The following LONRF2 variants were observed in gnomAD, a reference collection of about 807,000 sequenced individuals.
LONRF2 encodes LON peptidase N-terminal domain and RING finger protein 2.
In LONRF2, 35 loss-of-function variants were observed where a neutral mutation model predicts 66.6. That is an observed-to-expected ratio of 0.53 (90% confidence interval 0.40 to 0.70). LONRF2 has a LOEUF of 0.70. Ranked by LOEUF, LONRF2 falls within the 30% of genes least tolerant of loss-of-function variation. The pLI is 0.00. For missense variants in LONRF2, 902 were observed against 1,002.1 expected (o/e 0.90, Z 1.35); for synonymous variants, 417 against 418.1 (o/e 1.00, Z 0.03).
Position 100,290,533 on chromosome 2 carries a change from C to T in LONRF2, c.1758-113G>A, listed in dbSNP as rs562204820. On this transcript the variant is annotated intron_variant, in intron 9 of 11. Coordinates refer to ENST00000393437, the MANE Select transcript of LONRF2 (RefSeq NM_198461.4). ...AATACAAAGCCACACAAAACAGTGT[C>T]TCCACATCAGACCAGCAAGGTTATT... The T allele has an allele frequency of 9.4e-6, 10 of 1,062,052 alleles. No individual in the cohort carries two copies. The African/African-American group carries it at 1.4e-4, about 15-fold the overall frequency. 65.8% of individuals were successfully genotyped at this position (1,062,052 alleles called of 1,614,324 possible). A position where few individuals can be genotyped will look rare whatever the true frequency, so the allele number is the denominator to read the frequency against.
Position 100,279,801 on chromosome 2 carries a change from A to C in LONRF2, c.*4497T>G, listed in dbSNP as rs1358568814. 6.6e-6 allele frequency: 1 copy of C among 152,156 alleles called. No individual in the cohort carries two copies. Among genetic ancestry groups the C allele is most frequent in the African/African-American group, 2.4e-5 (1 of 41,422 alleles). The allele number at this position is 152,156 out of a possible 1,614,324, so 9.4% of individuals were successfully genotyped here. A position where few individuals can be genotyped will look rare whatever the true frequency, so the allele number is the denominator to read the frequency against. ...GACCACCTGTATAGCCTAGAGTCTGAGCTGTTATTCAGACCAGCCAGTCTT... is the reference window on the plus strand; with the variant it reads ...GACCACCTGTATAGCCTAGAGTCTGCGCTGTTATTCAGACCAGCCAGTCTT... On this transcript the variant is annotated 3_prime_UTR_variant, in exon 12 of 12. Coordinates refer to ENST00000393437, the MANE Select transcript of LONRF2 (RefSeq NM_198461.4).
intron 7 of LONRF2, 104 bp from the exon 8 acceptor site, chr2:100,295,657 G>T: frequency 8.3e-7 from 1 of 1,198,784 alleles, no homozygotes; most frequent in Non-Finnish European, 1.2e-6. Flanking sequence ...GGATCTCTGA[G>T]CAGGTAAGAA....
At position 100,277,147 on chromosome 2, in the gene LONRF2, A is replaced by T. The variant is rs1029538854; in HGVS notation, c.*7151T>A. ...CCTCTATAATCAAACCTTAAAATCC[A>T]TGGGCACTCCTGTTGGTGCCCTCAG... On this transcript the variant is annotated 3_prime_UTR_variant, in exon 12 of 12. Transcript: ENST00000393437. 4 of 152,174 alleles carry T rather than the reference A, an allele frequency of 2.6e-5. No homozygotes were observed. Among genetic ancestry groups the T allele is most frequent in the African/African-American group, 9.7e-5 (4 of 41,436 alleles). 9.4% of individuals were successfully genotyped at this position (152,174 alleles called of 1,614,324 possible). A position where few individuals can be genotyped will look rare whatever the true frequency, so the allele number is the denominator to read the frequency against.
In LONRF2 at chr2:100,295,474, T is replaced by C. The variant is rs995612070; in HGVS notation, c.1556A>G (p.Asp519Gly). 2.5e-6 allele frequency: 4 copies of C among 1,613,724 alleles called. No individual in the cohort carries two copies. Among genetic ancestry groups the C allele is most frequent in the African/African-American group, 2.7e-5 (2 of 75,038 alleles). Reference protein sequence around the residue: ...IFRYLPDELSDRKRIYDEEMS... With the variant: ...IFRYLPDELSGRKRIYDEEMS... ...TTCTTCATCATAAATTCTCTTCCTA[T>C]CAGACAATTCATCCGGCAAATATCG... is the stretch of plus-strand genomic sequence containing the variant. The change falls in exon 8 of 12, where the codon GAT (aspartate) becomes GGT (glycine). Residue 519 changes from aspartate (D) to glycine (G), a missense_variant. Transcript: ENST00000393437.
Position 100,299,767 on chromosome 2 carries a change from T to C in LONRF2, c.1217A>G (p.Asp406Gly), listed in dbSNP as rs1157768892. 6.2e-7 allele frequency: 1 copy of C among 1,614,094 alleles called. No individual in the cohort carries two copies. Among genetic ancestry groups the C allele is most frequent in the Non-Finnish European group, 8.5e-7 (1 of 1,179,984 alleles). Reference sequence around the variant, plus strand: ...GTTCAGGTCAGGTGCATCCTCCACGTCATCCGGAAACTGTCTCTTTAAGCC... The same window carrying C: ...GTTCAGGTCAGGTGCATCCTCCACGCCATCCGGAAACTGTCTCTTTAAGCC... Reference protein sequence around the residue: ...SAGLKRQFPDDVEDAPDLNAP... With the variant: ...SAGLKRQFPDGVEDAPDLNAP... Residue 406 changes from aspartate (D) to glycine (G), a missense_variant, in exon 5 of 12, where the codon GAC (aspartate) becomes GGC (glycine). By Grantham distance (94) the Asp-to-Gly change is moderately conservative. This residue lies in a region of LONRF2 where 585 missense variants were observed against 569.9 expected (regional missense o/e 1.03). Transcript: ENST00000393437.
intron 10 of LONRF2, among the ~76,000 whole-genome samples, chr2:100,287,942 T>C (rs984351111): frequency 2.0e-5 from 3 of 152,174 alleles, no homozygotes; most frequent in African/African-American, 7.2e-5. Context: ...AAAACTACGG[T>C]GTGCTGAGAA....
intron 1 of LONRF2, among the ~76,000 whole-genome samples, chr2:100,310,802 T>C (rs181959468): frequency 1.3e-5 from 2 of 152,344 alleles, no homozygotes; most frequent in African/African-American, 2.4e-5. Context: ...GGATATCATA[T>C]AGATACTTGC....
chr2:100,300,481 T>C (rs538431576), intron 4 of LONRF2, among the ~76,000 whole-genome samples, 163 bp downstream of exon 4: 84 of 152,344 alleles, frequency 5.5e-4, no homozygotes, highest in Non-Finnish European at 1.1e-3. Flanking sequence ...ATAGACTTCA[T>C]GTAAAAGTTC....
In LONRF2 at chr2:100,284,250, C is replaced by CGA. The variant is rs760916065; in HGVS notation, c.*47_*48insTC. 14 of 1,441,806 alleles carry CGA rather than the reference C, an allele frequency of 9.7e-6. No individual in the cohort carries two copies. The African/African-American group carries it at 2.0e-4, about 21-fold the overall frequency. The allele number at this position is 1,441,806 out of a possible 1,614,324, so 89.3% of individuals were successfully genotyped here. On this transcript the variant is annotated 3_prime_UTR_variant, in exon 12 of 12. Transcript: ENST00000393437. ...TGGACGGCTATTCGTCCATGCCTGACATTTATAAAAGCACAAGGGCTGCCA... is the reference window on the plus strand; with the variant it reads ...TGGACGGCTATTCGTCCATGCCTGACGAATTTATAAAAGCACAAGGGCTGCCA...
intron 9 of LONRF2, among the ~76,000 whole-genome samples, chr2:100,291,208 T>C (rs967536339): frequency 2.0e-5 from 3 of 152,012 alleles, no homozygotes; most frequent in African/African-American, 7.2e-5. Flanking sequence ...CCAATGACCT[T>C]GTGTGGGCTG....
chr2:100,300,019 A>AAAAAAAAG, intron 4 of LONRF2, 101 bp from the exon 5 acceptor site: 2 of 394,614 alleles, frequency 5.1e-6, no homozygotes, highest in African/African-American at 4.5e-5. Flanking sequence ...GGAAAAAAAA[A>AAAAAAAAG]GGGGGGGGCA....
chr2:100,281,949 C>T lies in LONRF2; in HGVS notation c.*2349G>A, dbSNP rs1006311179. ...GATATGACCGTAGGATGCTGTCACC[C>T]TGACCCGGTTCCTGATGCGTGATGT... On this transcript the variant is annotated 3_prime_UTR_variant, in exon 12 of 12. Transcript: ENST00000393437. 2.6e-5 allele frequency: 4 copies of T among 151,882 alleles called. No homozygotes were observed. Among genetic ancestry groups the T allele is most frequent in the African/African-American group, 9.7e-5 (4 of 41,330 alleles). 9.4% of individuals were successfully genotyped at this position (151,882 alleles called of 1,614,324 possible).
intron 1 of LONRF2, among the ~76,000 whole-genome samples, chr2:100,320,020 A>G (rs1675588620): frequency 6.6e-6 from 1 of 152,218 alleles, no homozygotes; most frequent in Non-Finnish European, 1.5e-5. Flanking sequence ...TGAAAATTTG[A>G]TGTTGGAATT....
At chr2:100,308,378 G>A (rs1675339566) in intron 2 of LONRF2, among the ~76,000 whole-genome samples, 1 of 152,138 alleles carries the variant, frequency 6.6e-6, no homozygotes. Flanking sequence ...CCCAGTGCTT[G>A]TCTACTAACC....
chr2:100,321,724 C>A lies in LONRF2; in HGVS notation c.370G>T (p.Ala124Ser), dbSNP rs1675633359. 8 of 1,142,184 alleles carry A rather than the reference C, an allele frequency of 7.0e-6. No individual in the cohort carries two copies. The highest frequency in any genetic ancestry group is 3.2e-6 in the Non-Finnish European group (3 of 933,086). 70.8% of individuals were successfully genotyped at this position (1,142,184 alleles called of 1,614,324 possible). A position where few individuals can be genotyped will look rare whatever the true frequency, so the allele number is the denominator to read the frequency against. Reference sequence around the variant, plus strand: ...GGGGCCGGCCCTCCCTCGCCGGGCGCCTCGGGCTCGCCGCCCGGGTTCTCC... The same window carrying A: ...GGGGCCGGCCCTCCCTCGCCGGGCGACTCGGGCTCGCCGCCCGGGTTCTCC... ...SAENPGGEPE[A>S]PGEGGPAPEP... The change falls in exon 1 of 12, where the codon GCG becomes TCG. Residue 124 changes from alanine (A) to serine (S), a missense_variant. Transcript: ENST00000393437.
intron 11 of LONRF2, among the ~76,000 whole-genome samples, chr2:100,284,876 T>A (rs1674813424): frequency 6.6e-6 from 1 of 152,214 alleles, no homozygotes; most frequent in Admixed American, 6.5e-5. Flanking sequence ...ATATAAAGCA[T>A]AATATTATAA....
intron 2 of LONRF2, among the ~76,000 whole-genome samples, 185 bp from the exon 3 acceptor site, chr2:100,303,228 CA>C (rs1266045867): frequency 6.6e-6 from 1 of 152,200 alleles, no homozygotes; most frequent in East Asian, 1.9e-4. Flanking sequence ...TAGCAAACTT[CA>C]ATAGCTCATA....
intron 9 of LONRF2, 142 bp from the exon 10 acceptor site, chr2:100,290,562 G>A (rs955997346): frequency 1.7e-5 from 14 of 802,192 alleles, no homozygotes; most frequent in South Asian, 3.7e-5. Context: ...GGTTATTGTC[G>A]CTAAGAGACA....
chr2:100,321,742 G>A lies in LONRF2; in HGVS notation c.352C>T (p.Pro118Ser). 1 of 1,088,864 alleles carries A rather than the reference G, an allele frequency of 9.2e-7. No homozygotes were observed. The highest frequency in any genetic ancestry group is 4.3e-5 in the South Asian group (1 of 23,098). 67.5% of individuals were successfully genotyped at this position (1,088,864 alleles called of 1,614,324 possible). Residue 118 changes from proline to serine, a missense_variant, in exon 1 of 12, where the codon CCG becomes TCG. Pro to Ser is a moderately conservative substitution (Grantham distance 74). This residue lies in a region of LONRF2 where 585 missense variants were observed against 569.9 expected (regional missense o/e 1.03). Transcript: ENST00000393437. Reference sequence around the variant, plus strand: ...CCGGGCGCCTCGGGCTCGCCGCCCGGGTTCTCCGCGGACAGCGGCCGGTCG... The same window carrying A: ...CCGGGCGCCTCGGGCTCGCCGCCCGAGTTCTCCGCGGACAGCGGCCGGTCG... ...LRDRPLSAEN[P>S]GGEPEAPGEG...
Sources: gnomAD v4.1 joint callset for allele counts (sites outside exome capture counted in the v4.1 genomes callset) on GRCh38, gnomAD v4.1.1 for gene constraint, gnomAD v4.1.1 regional missense constraint, MANE v1.5 for transcripts, NCBI Gene and HGNC (gene_info 2026-07-23, HGNC 2026-07-21) for gene names.